Variants in DNAH12 observed in about 807,000 individuals in gnomAD.
The protein encoded by DNAH12 is axonemal beta dynein heavy chain 12.
A neutral mutation model predicts 371.5 loss-of-function variants in DNAH12; 285 were observed. The ratio of observed to expected loss-of-function variants is 0.77; its 90% confidence interval spans 0.70 to 0.85. The LOEUF is 0.85. Ranked by LOEUF, DNAH12 falls within the 40% of genes least tolerant of loss-of-function variation. DNAH12 has a pLI of 0.00. For synonymous variants in DNAH12, 1,200 were observed against 1,213.0 expected (o/e 0.99, Z 0.22); for missense variants, 3,611 against 3,689.4 (o/e 0.98, Z 0.55).
At chr3:57,398,857 G>A (rs2063798460) in intron 43 of DNAH12, among the ~76,000 whole-genome samples, 3 of 152,240 alleles carry the variant, frequency 2.0e-5, no homozygotes, top group African/African-American at 4.8e-5. Flanking sequence ...CCATACAAAA[G>A]TATAAAGTTC....
In DNAH12 at chr3:57,415,568, A is replaced by T. The variant is rs1377363113; in HGVS notation, c.5715-4T>A. On this transcript the variant is annotated splice_region_variant and splice_polypyrimidine_tract_variant and intron_variant, in intron 37 of 73. Transcript: ENST00000495027. ...TGGACCCACAAAAAGGAGTGGCCTT[A>T]ATGAAAACAATGAATATATTATTCA... is the stretch of plus-strand genomic sequence containing the variant. The T allele has an allele frequency of 5.9e-6, 9 of 1,526,210 alleles. No homozygotes were observed. Among genetic ancestry groups the T allele is most frequent in the Non-Finnish European group, 7.9e-6 (9 of 1,141,320 alleles). The allele number at this position is 1,526,210 out of a possible 1,614,324, so 94.5% of individuals were successfully genotyped here. A position where few individuals can be genotyped will look rare whatever the true frequency, so the allele number is the denominator to read the frequency against.
intron 12 of DNAH12, 48 bp downstream of exon 12, chr3:57,489,461 A>G (rs1559713999): frequency 6.9e-7 from 1 of 1,441,720 alleles, no homozygotes; most frequent in African/African-American, 1.5e-5. Context: ...TTAGCAAAAT[A>G]CTTCTTTTAG....
chr3:57,512,346 A>G (rs2068031110), intron 4 of DNAH12: 1 of 152,186 alleles, frequency 6.6e-6, no homozygotes, highest in Admixed American at 6.6e-5. Flanking sequence ...GCTACAGGGA[A>G]GAGGAAATGA....
At chr3:57,353,751 A>AG (rs1357973678) in intron 59 of DNAH12, among the ~76,000 whole-genome samples, 1 of 152,170 alleles carries the variant, frequency 6.6e-6, no homozygotes, top group Non-Finnish European at 1.5e-5. Context: ...AGACATACAC[A>AG]TGGCCAAAAA....
intron 65 of DNAH12, among the ~76,000 whole-genome samples, chr3:57,320,765 C>G (rs1199257516): frequency 6.6e-6 from 1 of 152,130 alleles, no homozygotes; most frequent in Non-Finnish European, 1.5e-5. Flanking sequence ...GGGATGGGAC[C>G]CAGCAAGATG....
chr3:57,532,590 G>C (rs905415977), intron 2 of DNAH12, among the ~76,000 whole-genome samples: 1 of 152,212 alleles, frequency 6.6e-6, no homozygotes, highest in Non-Finnish European at 1.5e-5. Flanking sequence ...ACTCATAGAA[G>C]TATCACCTTG....
intron 2 of DNAH12, among the ~76,000 whole-genome samples, chr3:57,524,618 T>C (rs543524685): frequency 6.6e-6 from 1 of 152,126 alleles, no homozygotes; most frequent in East Asian, 1.9e-4. Context: ...GAGTGCCATA[T>C]AGGTACCCTG....
Position 57,501,373 on chromosome 3 carries a change from T to C in DNAH12, c.1283A>G (p.Glu428Gly). ...YNWLLDGTAV[E>G]NIETFQTEDH... ...TTCTGTCTGAAAAGTCTCTATATTC[T>C]CAACTGCAGTCCCATCAAGGAGCCA... The change falls in exon 11 of 74, where the codon GAG (glutamate) becomes GGG (glycine). Residue 428 changes from glutamate (E) to glycine (G), a missense_variant. Physicochemically the swap from Glu to Gly is moderately conservative, Grantham distance 98. Transcript: ENST00000495027. 6.3e-7 allele frequency: 1 copy of C among 1,595,150 alleles called. No individual in the cohort carries two copies. The highest frequency in any genetic ancestry group is 8.5e-7 in the Non-Finnish European group (1 of 1,174,972).
chr3:57,390,424 A>AAAAAAATATATATAT, intron 45 of DNAH12, among the ~76,000 whole-genome samples: 1 of 33,434 alleles, frequency 3.0e-5, no homozygotes, highest in Non-Finnish European at 7.0e-5. Flanking sequence ...AAAAAAAAAA[A>AAAAAAATATATATAT]ATATATATAT....
chr3:57,347,502 G>A (rs2062569323), intron 60 of DNAH12, among the ~76,000 whole-genome samples: 1 of 152,116 alleles, frequency 6.6e-6, no homozygotes, highest in South Asian at 2.1e-4. Context: ...GATAACTTGA[G>A]GTCAGGAGTT....
chr3:57,403,772 T>C (rs1401172074), intron 42 of DNAH12, among the ~76,000 whole-genome samples: 1 of 152,230 alleles, frequency 6.6e-6, no homozygotes, highest in Admixed American at 6.5e-5. Context: ...TAACTGCTAA[T>C]ACTGGCAGTA....
rs2064727678 is a variant in DNAH12 at position 57,425,245 on chromosome 3, A to G, written c.5254-104T>C. 33 of 622,124 alleles carry G rather than the reference A, an allele frequency of 5.3e-5. No homozygotes were observed. The South Asian group carries it at 5.9e-4, about 11-fold the overall frequency. The allele number at this position is 622,124 out of a possible 1,614,324, so 38.5% of individuals were successfully genotyped here. A position where few individuals can be genotyped will look rare whatever the true frequency, so the allele number is the denominator to read the frequency against. Reference sequence around the variant, plus strand: ...TGATAAAAGCATACATGGTTTTAATAAGGTCTTTTTTTTTGTTTTTGAGAT... The same window carrying G: ...TGATAAAAGCATACATGGTTTTAATGAGGTCTTTTTTTTTGTTTTTGAGAT... On this transcript the variant is annotated intron_variant, in intron 34 of 73. Coordinates refer to ENST00000495027, the MANE Select transcript of DNAH12 (RefSeq NM_001366028.2).
At chr3:57,343,832 G>A (rs1559572565) in intron 60 of DNAH12, among the ~76,000 whole-genome samples, 1 of 152,106 alleles carries the variant, frequency 6.6e-6, no homozygotes, top group Non-Finnish European at 1.5e-5. Context: ...ATGCTACCTT[G>A]TTATTCTTTA....
chr3:57,369,219 TA>T (rs1169309910), intron 55 of DNAH12, among the ~76,000 whole-genome samples: 4,734 of 125,974 alleles, frequency 0.038, 130 homozygotes, highest in Middle Eastern at 0.1. Flanking sequence ...GAAACTCCAT[TA>T]AAAAAAAAAT....
rs376579857 is a variant in DNAH12, at chr3:57,413,786, G to A, written c.5980C>T (p.Pro1994Ser). ...AAAAACTGTCGTAATAATTCAATAG[G>A]TGGTTGAGCTCCATACTTCTCCAAT... The part of the protein sequence containing the change: ...PALEKYGAQP[P>S]IELLRQFFDC... The change falls in exon 39 of 74, where the codon CCT (proline) becomes TCT (serine). Residue 1994 changes from proline (P) to serine (S), a missense_variant. By Grantham distance (74) the Pro-to-Ser change is moderately conservative. Around this residue, in one of 3 missense-constraint regions of DNAH12, gnomAD observed 2,266 missense variants for 2,236.9 expected, o/e 1.01. Coordinates refer to ENST00000495027, the MANE Select transcript of DNAH12 (RefSeq NM_001366028.2). 307 of 1,551,002 alleles carry A rather than the reference G, an allele frequency of 2.0e-4. 3 individuals carry two copies. In the African/African-American group the frequency reaches 3.2e-3, roughly 16 times the overall value.
At chr3:57,312,728 A>G (rs532387491) in intron 66 of DNAH12, among the ~76,000 whole-genome samples, 4 of 152,334 alleles carry the variant, frequency 2.6e-5, no homozygotes, top group African/African-American at 9.6e-5. Flanking sequence ...TGTACCAACT[A>G]AATTGGTCTC....
intron 25 of DNAH12, among the ~76,000 whole-genome samples, chr3:57,449,629 G>C (rs1008100855): frequency 1.3e-5 from 2 of 152,220 alleles, no homozygotes; most frequent in Non-Finnish European, 2.9e-5. Context: ...AGGGCTGGCC[G>C]GCTGCTCAGA....
chr3:57,312,834 A>G (rs2061608255), intron 66 of DNAH12, among the ~76,000 whole-genome samples: 1 of 152,240 alleles, frequency 6.6e-6, no homozygotes, highest in Admixed American at 6.5e-5. Flanking sequence ...TCAAATGGAC[A>G]TATTTATTCC....
chr3:57,416,381 T>G, intron 37 of DNAH12, among the ~76,000 whole-genome samples: 1 of 152,220 alleles, frequency 6.6e-6, no homozygotes, highest in East Asian at 1.9e-4. Context: ...CAGGAGCCAC[T>G]GGGACCAGCC....
Sources: allele counts gnomAD v4.1 joint callset (sites outside exome capture counted in the v4.1 genomes callset), GRCh38; gene constraint gnomAD v4.1.1; regional missense constraint gnomAD v4.1.1; transcripts MANE v1.5; gene names NCBI Gene and HGNC (gene_info 2026-07-23, HGNC 2026-07-21).